Variants in SKAP1 observed in about 807,000 individuals in gnomAD.
The protein encoded by SKAP1 is src kinase associated phosphoprotein 1, also known as src kinase-associated phosphoprotein 1.
In SKAP1, 44 loss-of-function variants were observed where a neutral mutation model predicts 58.5. The observed-to-expected ratio is 0.75, with a 90% CI of 0.59 to 0.97. The LOEUF is 0.97. SKAP1 is among the 50% of genes least tolerant of loss of function. SKAP1 has a pLI of 0.00. For missense variants in SKAP1, 390 were observed against 435.2 expected (o/e 0.90, Z 0.92); for synonymous variants, 127 against 149.7 (o/e 0.85, Z 1.11).
chr17:48,440,277 T>C, the SKAP1 span, among the ~76,000 whole-genome samples: 39 of 152,328 alleles, frequency 2.6e-4, no homozygotes, highest in East Asian at 7.3e-3. Context: ...ATAGGCTTCA[T>C]ACGTTGACAG....
intron 4 of SKAP1, among the ~76,000 whole-genome samples, chr17:48,254,190 A>C (rs889234707): frequency 1.3e-5 from 2 of 152,190 alleles, no homozygotes; most frequent in African/African-American, 4.8e-5. Context: ...TCACTCGGCT[A>C]TAAAAATAAC....
intron 4 of SKAP1, among the ~76,000 whole-genome samples, chr17:48,312,620 A>G (rs1356511127): frequency 6.6e-6 from 1 of 152,184 alleles, no homozygotes; most frequent in Non-Finnish European, 1.5e-5. Context: ...TTCTACATGC[A>G]TTAAAAGAGA....
At chr17:48,360,363 C>A (rs1423196813) in intron 3 of SKAP1, among the ~76,000 whole-genome samples, 1 of 151,962 alleles carries the variant, frequency 6.6e-6, no homozygotes, top group African/African-American at 2.4e-5. Flanking sequence ...AAAGGGGAAA[C>A]TGAAGCAAAA....
At chr17:48,183,796 C>T (rs1364571274) in intron 7 of SKAP1, among the ~76,000 whole-genome samples, 1 of 151,890 alleles carries the variant, frequency 6.6e-6, no homozygotes, top group Non-Finnish European at 1.5e-5. Context: ...ATAATGAAGA[C>T]CTAGGTCCTT....
In SKAP1 at chr17:48,146,230, C is replaced by T. The variant is rs191754357; in HGVS notation, c.979-8893G>A. On this transcript the variant is annotated intron_variant, in intron 11 of 12. Transcript: ENST00000336915. ...AGGAGAGGCCGGAGACGGTGGCTCA[C>T]GCCTGTAATCCCAGCACTTTGGGAG... Among the ~76,000 whole-genome samples, 348 of 152,218 alleles carry T rather than the reference C, an allele frequency of 2.3e-3. 2 individuals are homozygous for T. Among genetic ancestry groups the T allele is most frequent in the Non-Finnish European group, 2.9e-3 (195 of 68,022 alleles).
chr17:48,260,226 GA>G (rs2143925816), intron 4 of SKAP1, among the ~76,000 whole-genome samples: 1 of 152,252 alleles, frequency 6.6e-6, no homozygotes, highest in South Asian at 2.1e-4. Context: ...CTAGCAGCAT[GA>G]AATACATAAA....
chr17:48,141,970 G>A lies in SKAP1; in HGVS notation c.979-4633C>T, dbSNP rs115563216. Among the ~76,000 whole-genome samples, 1,333 of 152,206 alleles carry A rather than the reference G, an allele frequency of 8.8e-3. 22 individuals are homozygous for A. The highest frequency in any genetic ancestry group is 0.031 in the African/African-American group (1,282 of 41,528). On this transcript the variant is annotated intron_variant, in intron 11 of 12. Transcript: ENST00000336915. ...ACACTCTCTGACTGTGTGGGGTCCC[G>A]GTTACACGGTCCACAGTGCTGTGCC...
intron 4 of SKAP1, among the ~76,000 whole-genome samples, chr17:48,266,827 T>C (rs904510528): frequency 1.3e-5 from 2 of 152,136 alleles, no homozygotes; most frequent in African/African-American, 4.8e-5. Flanking sequence ...CCTTTTCTTA[T>C]TCCTCTTTTT....
At chr17:48,156,620 C>T in intron 11 of SKAP1, 1 of 251,566 alleles carries the variant, frequency 4.0e-6, no homozygotes, top group South Asian at 3.6e-5. Flanking sequence ...TTAAAATCTC[C>T]CTTTAATATA....
intron 1 of SKAP1, among the ~76,000 whole-genome samples, chr17:48,406,400 A>T (rs528909341): frequency 1.0e-3 from 150 of 150,734 alleles, no homozygotes; most frequent in Middle Eastern, 3.4e-3. Context: ...AAAATTAGAA[A>T]TTTTTTTTTC....
rs1346939155 is a variant in SKAP1, at chr17:48,271,339, T to C, written c.280+74566A>G. Among the ~76,000 whole-genome samples the C allele has an allele frequency of 3.3e-5, 5 of 151,140 alleles. No homozygotes were observed. The East Asian group carries it at 9.6e-4, about 29-fold the overall frequency. ...TCATTCAATAAACCTGACAGTGATA[T>C]TAATATTCTTGTTTCTTTGTTTCTT... On this transcript the variant is annotated intron_variant, in intron 4 of 12. Coordinates refer to ENST00000336915, the MANE Select transcript of SKAP1 (RefSeq NM_003726.4).
At chr17:48,419,814 C>T (rs2067774120) in intron 1 of SKAP1, among the ~76,000 whole-genome samples, 1 of 151,964 alleles carries the variant, frequency 6.6e-6, no homozygotes, top group African/African-American at 2.4e-5. Flanking sequence ...TTTATTTTCC[C>T]ATAACATACT....
chr17:48,181,030 T>G (rs1259110166), intron 8 of SKAP1, among the ~76,000 whole-genome samples: 1 of 152,090 alleles, frequency 6.6e-6, no homozygotes, highest in Non-Finnish European at 1.5e-5. Flanking sequence ...TCTGAAACCC[T>G]GCTGAGGGCC....
chr17:48,358,768 C>A (rs1194739238), intron 3 of SKAP1, among the ~76,000 whole-genome samples: 1 of 152,138 alleles, frequency 6.6e-6, no homozygotes, highest in Non-Finnish European at 1.5e-5. Context: ...ATGTGGCAAG[C>A]ACTCCTTATG....
At chr17:48,383,456 A>AT (rs2067241493) in intron 2 of SKAP1, among the ~76,000 whole-genome samples, 2 of 152,098 alleles carry the variant, frequency 1.3e-5, no homozygotes, top group Admixed American at 1.3e-4. Context: ...TAAAAAAAAA[A>AT]TTTTAGAAAA....
rs533211766 is a variant in SKAP1, at chr17:48,395,188, T to C, written c.152+1492A>G. 2.0e-5 allele frequency among the ~76,000 whole-genome samples: 3 copies of C among 152,292 alleles called. No homozygotes were observed. The South Asian group carries it at 6.2e-4, about 32-fold the overall frequency. On this transcript the variant is annotated intron_variant, in intron 2 of 12. Transcript: ENST00000336915. ...TGTGTGTATGTATTTTAAAAGAGGATTAAGAAGTATAATAATATGCAGCTG... is the reference window on the plus strand; with the variant it reads ...TGTGTGTATGTATTTTAAAAGAGGACTAAGAAGTATAATAATATGCAGCTG...
chr17:48,418,221 T>C (rs1045783988), intron 1 of SKAP1, among the ~76,000 whole-genome samples: 1 of 152,096 alleles, frequency 6.6e-6, no homozygotes, highest in Non-Finnish European at 1.5e-5. Flanking sequence ...GCCTGGAAGA[T>C]TAAGGCTGCA....
At chr17:48,246,580 T>C (rs887641954) in intron 4 of SKAP1, among the ~76,000 whole-genome samples, 1 of 152,234 alleles carries the variant, frequency 6.6e-6, no homozygotes, top group African/African-American at 2.4e-5. Context: ...CTGGAAGAGC[T>C]TTAGAGACTA....
chr17:48,171,195 G>A (rs766630122), intron 9 of SKAP1, among the ~76,000 whole-genome samples: 19 of 140,122 alleles, frequency 1.4e-4, no homozygotes, highest in Non-Finnish European at 2.4e-4. Flanking sequence ...TCCACCTTCC[G>A]GGTTCAAGCT....
Sources: allele counts gnomAD v4.1 joint callset (sites outside exome capture counted in the v4.1 genomes callset), GRCh38; gene constraint gnomAD v4.1.1; transcripts MANE v1.5; gene names NCBI Gene and HGNC (gene_info 2026-07-23, HGNC 2026-07-21).